CTNNA2: variants seen among roughly 807,000 people sequenced by gnomAD.
CTNNA2 encodes the protein catenin alpha 2, also known as catenin alpha-2.
Under a neutral mutation model 101.0 loss-of-function variants are expected in CTNNA2, and 42 were observed. That is an observed-to-expected ratio of 0.42 (90% confidence interval 0.32 to 0.54). CTNNA2 has a LOEUF of 0.54. Ranked by LOEUF, CTNNA2 falls within the 20% of genes least tolerant of loss-of-function variation. The pLI is 0.14. For synonymous variants in CTNNA2, 450 were observed against 456.4 expected, an observed-to-expected ratio of 0.99 and a Z score of 0.18; for missense variants, 871 against 1,223.1, an observed-to-expected ratio of 0.71 and a Z score of 4.29.
intron 2 of CTNNA2, among the ~76,000 whole-genome samples, chr2:79,654,675 C>A (rs1327290440): frequency 6.6e-6 from 1 of 152,164 alleles, no homozygotes; most frequent in Non-Finnish European, 1.5e-5. Flanking sequence ...GTAGCACATT[C>A]GCAAATTCCA....
At chr2:80,039,550 A>T (rs1695897804) in intron 7 of CTNNA2, among the ~76,000 whole-genome samples, 1 of 152,150 alleles carries the variant, frequency 6.6e-6, no homozygotes, top group Admixed American at 6.6e-5. Context: ...AAGAGCAGGG[A>T]CCCAGGAGGG....
intron 2 of CTNNA2, among the ~76,000 whole-genome samples, chr2:79,257,937 GTCTT>G (rs1158265887): frequency 6.6e-6 from 1 of 152,086 alleles, no homozygotes; most frequent in African/African-American, 2.4e-5. Flanking sequence ...CTAGCTTCCA[GTCTT>G]TCTTTGGCAA....
At chr2:80,327,479 G>C (rs1456168846) in intron 7 of CTNNA2, among the ~76,000 whole-genome samples, 2 of 152,090 alleles carry the variant, frequency 1.3e-5, no homozygotes, top group East Asian at 3.9e-4. Context: ...CTAGACAGAG[G>C]CTAAAGTGTG....
At chr2:79,966,749 G>A (rs992334321) in intron 7 of CTNNA2, among the ~76,000 whole-genome samples, 7 of 152,138 alleles carry the variant, frequency 4.6e-5, no homozygotes, top group Non-Finnish European at 8.8e-5. Context: ...TCCAAATGTC[G>A]TATCTTTTAC....
intron 9 of CTNNA2, among the ~76,000 whole-genome samples, chr2:80,474,649 A>G (rs1685577997): frequency 6.6e-6 from 1 of 152,188 alleles, no homozygotes; most frequent in Admixed American, 6.5e-5. Flanking sequence ...ACTGAATGAC[A>G]AACCAAAGGG....
Position 79,954,257 on chromosome 2 carries a change from G to A in CTNNA2, c.1056+44460G>A, listed in dbSNP as rs147094102. 1.4e-3 allele frequency among the ~76,000 whole-genome samples: 220 copies of A among 152,264 alleles called. 1 individual carries two copies. Among genetic ancestry groups the A allele is most frequent in the Middle Eastern group, 0.01 (3 of 294 alleles). On this transcript the variant is annotated intron_variant, in intron 7 of 18. Transcript: ENST00000402739. The stretch of plus-strand genomic sequence containing the variant: ...CAGTGATTTTGCTACCTCAACACGT[G>A]GGGATTACAATTCGAGATGAGAGTT...
intron 9 of CTNNA2, among the ~76,000 whole-genome samples, chr2:80,437,492 C>T (rs57982132): frequency 0.23 from 34,259 of 152,118 alleles, 5,679 homozygotes; most frequent in African/African-American, 0.47. Context: ...TGGTAGTCAG[C>T]TTGCTAAATA....
intron 2 of CTNNA2, among the ~76,000 whole-genome samples, chr2:79,198,695 C>T (rs1673993804): frequency 7.1e-6 from 1 of 140,078 alleles, no homozygotes; most frequent in African/African-American, 2.6e-5. Flanking sequence ...ATCAATTTAT[C>T]AAATATTACT....
intron 9 of CTNNA2, among the ~76,000 whole-genome samples, chr2:80,542,878 T>TTC (rs199831143): frequency 0.012 from 1,855 of 150,620 alleles, 37 homozygotes; most frequent in African/African-American, 0.043. Flanking sequence ...CCTGATTTTT[T>TTC]CCCCCCCCCA....
At chr2:80,218,823 T>C (rs938871950) in intron 7 of CTNNA2, among the ~76,000 whole-genome samples, 3 of 152,236 alleles carry the variant, frequency 2.0e-5, no homozygotes, top group South Asian at 2.1e-4. Context: ...AAGAGTACTT[T>C]GTGTTGTTGA....
chr2:80,360,645 C>T (rs529221554), intron 7 of CTNNA2, among the ~76,000 whole-genome samples: 1 of 152,016 alleles, frequency 6.6e-6, no homozygotes, highest in Non-Finnish European at 1.5e-5. Flanking sequence ...CCTGCATATG[C>T]TTAGGGAGTA....
intron 4 of CTNNA2, among the ~76,000 whole-genome samples, chr2:79,416,104 C>T (rs141267867): frequency 2.0e-5 from 3 of 152,122 alleles, no homozygotes; most frequent in East Asian, 1.9e-4. Flanking sequence ...ATTATTTCAG[C>T]GTTCTTCCCA....
At chr2:79,669,775 C>G (rs953254709) in intron 2 of CTNNA2, among the ~76,000 whole-genome samples, 2 of 152,192 alleles carry the variant, frequency 1.3e-5, no homozygotes, top group Non-Finnish European at 2.9e-5. Flanking sequence ...TCTCTGTCCT[C>G]TTTGTCCTCT....
chr2:80,140,207 A>C lies in CTNNA2; in HGVS notation c.1056+230410A>C, dbSNP rs143591390. Reference sequence around the variant, plus strand: ...AAAGTGTTAAAAGTACCCAATTTGAAAACCAAATGCACCCCACTATCCTAG... The same window carrying C: ...AAAGTGTTAAAAGTACCCAATTTGACAACCAAATGCACCCCACTATCCTAG... On this transcript the variant is annotated intron_variant, in intron 7 of 18. Transcript: ENST00000402739. 2.5e-3 allele frequency among the ~76,000 whole-genome samples: 381 copies of C among 152,302 alleles called. 5 individuals are homozygous for C. In the East Asian group the frequency reaches 0.029, roughly 11 times the overall value.
At chr2:79,826,730 G>A (rs769316563) in intron 3 of CTNNA2, among the ~76,000 whole-genome samples, 1 of 152,144 alleles carries the variant, frequency 6.6e-6, no homozygotes, top group South Asian at 2.1e-4. Flanking sequence ...ATTTCAACAA[G>A]GGCTCTGTGT....
At chr2:79,486,329 G>GT (rs1671157228) in intron 4 of CTNNA2, among the ~76,000 whole-genome samples, 1 of 151,294 alleles carries the variant, frequency 6.6e-6, no homozygotes, top group African/African-American at 2.4e-5. Context: ...GCGGTGTTTG[G>GT]TTTTTTGTCC....
intron 16 of CTNNA2, among the ~76,000 whole-genome samples, chr2:80,604,505 G>A (rs1406908244): frequency 6.6e-6 from 1 of 151,932 alleles, no homozygotes; most frequent in African/African-American, 2.4e-5. Flanking sequence ...GCATAATGAA[G>A]GGGGGAAAAG....
At chr2:80,097,037 G>A (rs559262559) in intron 7 of CTNNA2, among the ~76,000 whole-genome samples, 18 of 152,264 alleles carry the variant, frequency 1.2e-4, no homozygotes, top group African/African-American at 4.1e-4. Context: ...GTGTGAATTT[G>A]ATCCTGTCAT....
intron 3 of CTNNA2, among the ~76,000 whole-genome samples, chr2:79,842,813 A>G (rs1232227684): frequency 6.6e-6 from 1 of 152,094 alleles, no homozygotes; most frequent in African/African-American, 2.4e-5. Flanking sequence ...TAAGTACATT[A>G]TAAAAGACAG....
Sources: gnomAD v4.1 joint callset for allele counts (sites outside exome capture counted in the v4.1 genomes callset) on GRCh38, gnomAD v4.1.1 for gene constraint, MANE v1.5 for transcripts, NCBI Gene and HGNC (gene_info 2026-07-23, HGNC 2026-07-21) for gene names.